ELMO1: variants seen among roughly 807,000 people sequenced by gnomAD.
ELMO1 encodes the protein engulfment and cell motility protein 1.
Under a neutral mutation model 98.9 loss-of-function variants are expected in ELMO1, and 26 were observed. The observed-to-expected ratio is 0.26, with a 90% CI of 0.19 to 0.36. ELMO1 has a LOEUF of 0.36. Among genes scored for constraint, ELMO1 ranks in the 10% least tolerant of loss-of-function variants. The probability of loss-of-function intolerance (pLI) is 1.00; values close to 1 mark genes in which losing one functional copy is unlikely to be tolerated. For synonymous variants in ELMO1, 346 were observed against 346.0 expected, an observed-to-expected ratio of 1.00 and a Z score of 0.00; for missense variants, 627 against 935.2, an observed-to-expected ratio of 0.67 and a Z score of 4.30.
intron 16 of ELMO1, among the ~76,000 whole-genome samples, chr7:36,951,512 T>C (rs1488743485): frequency 6.6e-6 from 1 of 152,166 alleles, no homozygotes; most frequent in African/African-American, 2.4e-5. Context: ...CAATCTAGGG[T>C]GGCCACTGGA....
intron 4 of ELMO1, among the ~76,000 whole-genome samples, chr7:37,310,060 G>T (rs1798815618): frequency 6.6e-6 from 1 of 152,212 alleles, no homozygotes; most frequent in Admixed American, 6.5e-5. Context: ...AGAACCCAGG[G>T]CACTTAGGAA....
intron 16 of ELMO1, among the ~76,000 whole-genome samples, chr7:36,960,629 CTTTA>C (rs1399056531): frequency 6.6e-6 from 1 of 150,658 alleles, no homozygotes; most frequent in African/African-American, 2.5e-5. Context: ...CTTAAACCTT[CTTTA>C]TTTTTTTTCT....
Position 37,390,070 on chromosome 7 carries a change from G to A in ELMO1, c.-73-47307C>T, listed in dbSNP as rs541191844. On this transcript the variant is annotated intron_variant, in intron 1 of 21. Transcript: ENST00000310758. ...ATTTGGTTAAAAATCAAAAGAACAA[G>A]AAATGTCTGTGTATAGGCTATCACA... Among the ~76,000 whole-genome samples, 20 of 151,958 alleles carry A rather than the reference G, an allele frequency of 1.3e-4. 3 individuals carry two copies. In the South Asian group the frequency reaches 4.2e-3, roughly 32 times the overall value.
chr7:37,442,287 C>T (rs971640272), intron 1 of ELMO1, among the ~76,000 whole-genome samples: 5 of 152,148 alleles, frequency 3.3e-5, no homozygotes, highest in South Asian at 2.1e-4. Context: ...GAAAAAGAAC[C>T]GTACAAGTAG....
At chr7:37,142,297 T>C (rs1462715931) in intron 13 of ELMO1, among the ~76,000 whole-genome samples, 2 of 152,272 alleles carry the variant, frequency 1.3e-5, no homozygotes, top group Non-Finnish European at 2.9e-5. Context: ...AAATTGATTA[T>C]TTTCACTTTG....
At chr7:37,017,961 G>A (rs370737733) in intron 15 of ELMO1, among the ~76,000 whole-genome samples, 38 of 152,198 alleles carry the variant, frequency 2.5e-4, no homozygotes, top group African/African-American at 8.2e-4. Flanking sequence ...GCCCCCTAGC[G>A]TGCCATAGAA....
At chr7:37,402,980 A>G (rs1049940532) in intron 1 of ELMO1, among the ~76,000 whole-genome samples, 1 of 152,226 alleles carries the variant, frequency 6.6e-6, no homozygotes, top group Non-Finnish European at 1.5e-5. Context: ...GTATGTCCAT[A>G]CAAAAACCTG....
chr7:37,120,854 G>A (rs1473930051), intron 14 of ELMO1, among the ~76,000 whole-genome samples: 1 of 152,128 alleles, frequency 6.6e-6, no homozygotes, highest in Non-Finnish European at 1.5e-5. Flanking sequence ...CCCCTAAGTA[G>A]CCTAACTGGG....
intron 14 of ELMO1, among the ~76,000 whole-genome samples, chr7:37,129,319 G>A (rs958797572): frequency 6.6e-6 from 1 of 152,204 alleles, no homozygotes; most frequent in African/African-American, 2.4e-5. Context: ...ACATTAGCAA[G>A]GAGGCCACTA....
chr7:37,211,546 G>C, intron 12 of ELMO1, 29 bp from the exon 13 acceptor site: 1 of 1,609,188 alleles, frequency 6.2e-7, no homozygotes, highest in Non-Finnish European at 8.5e-7. Context: ...AAAAAGAAAA[G>C]GGAGGGGAAA....
At chr7:36,994,653 G>GACT (rs1422236845) in intron 16 of ELMO1, among the ~76,000 whole-genome samples, 3 of 152,210 alleles carry the variant, frequency 2.0e-5, no homozygotes, top group African/African-American at 7.2e-5. Flanking sequence ...GTCTGAGAGG[G>GACT]ACTAGGGTGC....
chr7:37,307,998 A>G (rs1371037043), intron 4 of ELMO1, among the ~76,000 whole-genome samples: 1 of 152,198 alleles, frequency 6.6e-6, no homozygotes, highest in Non-Finnish European at 1.5e-5. Flanking sequence ...CTGTAATCCC[A>G]GCTACTTGGC....
chr7:37,178,485 C>G (rs1455981250), intron 13 of ELMO1, among the ~76,000 whole-genome samples: 1 of 151,714 alleles, frequency 6.6e-6, no homozygotes, highest in African/African-American at 2.4e-5. Flanking sequence ...GCCTGTAGTC[C>G]CAGCTACTCA....
At chr7:37,417,705 G>A (rs146547566) in intron 1 of ELMO1, among the ~76,000 whole-genome samples, 446 of 129,670 alleles carry the variant, frequency 3.4e-3, no homozygotes, top group Non-Finnish European at 5.4e-3. Context: ...AGCTGGGTGT[G>A]GTGGCACACA....
intron 15 of ELMO1, among the ~76,000 whole-genome samples, chr7:37,055,591 T>A (rs1326189335): frequency 6.6e-6 from 1 of 152,186 alleles, no homozygotes; most frequent in Non-Finnish European, 1.5e-5. Flanking sequence ...TGAGTCAATG[T>A]TCAAGAGGAT....
intron 4 of ELMO1, among the ~76,000 whole-genome samples, chr7:37,307,259 T>C (rs1798658467): frequency 6.6e-6 from 1 of 152,198 alleles, no homozygotes; most frequent in Non-Finnish European, 1.5e-5. Context: ...GTTCCCATAA[T>C]TCCCACGTGC....
chr7:37,114,963 T>C (rs1009455243), intron 14 of ELMO1, among the ~76,000 whole-genome samples: 1 of 152,120 alleles, frequency 6.6e-6, no homozygotes, highest in African/African-American at 2.4e-5. Flanking sequence ...AAAGGAATAT[T>C]ATGAACAAGT....
intron 16 of ELMO1, among the ~76,000 whole-genome samples, chr7:36,918,297 G>T (rs1784865701): frequency 6.6e-6 from 1 of 152,242 alleles, no homozygotes; most frequent in East Asian, 1.9e-4. Context: ...CAAACTTCTG[G>T]CAATGTAGGA....
At chr7:36,965,693 C>G (rs1046933031) in intron 16 of ELMO1, among the ~76,000 whole-genome samples, 1 of 152,088 alleles carries the variant, frequency 6.6e-6, no homozygotes, top group Non-Finnish European at 1.5e-5. Context: ...TATAAAAAAC[C>G]TAATCCCAAT....
Sources: allele counts gnomAD v4.1 joint callset (sites outside exome capture counted in the v4.1 genomes callset), GRCh38; gene constraint gnomAD v4.1.1; transcripts MANE v1.5; gene names NCBI Gene and HGNC (gene_info 2026-07-23, HGNC 2026-07-21).